Variants in PTPRM observed in about 807,000 individuals in gnomAD.
The protein encoded by PTPRM is receptor-type tyrosine-protein phosphatase mu.
In PTPRM, 47 loss-of-function variants were observed where a neutral mutation model predicts 186.7. The observed-to-expected ratio is 0.25, with a 90% CI of 0.20 to 0.32. PTPRM has a LOEUF of 0.32. Ranked by LOEUF, PTPRM falls within the 10% of genes least tolerant of loss-of-function variation. PTPRM has a pLI of 1.00. For synonymous variants in PTPRM, 668 were observed against 674.9 expected, an observed-to-expected ratio of 0.99 and a Z score of 0.16; for missense variants, 1,494 against 1,865.0, an observed-to-expected ratio of 0.80 and a Z score of 3.66.
intron 1 of PTPRM, among the ~76,000 whole-genome samples, chr18:7,670,765 C>G (rs954031059): frequency 6.6e-6 from 1 of 152,070 alleles, no homozygotes; most frequent in Admixed American, 6.6e-5. Flanking sequence ...CTTAGACTTT[C>G]TCCAATGAAT....
chr18:7,704,040 A>G (rs961270309), intron 1 of PTPRM, among the ~76,000 whole-genome samples: 5 of 152,256 alleles, frequency 3.3e-5, no homozygotes, highest in African/African-American at 9.6e-5. Flanking sequence ...ATCGTGGTGA[A>G]TAAGGTTTTT....
At chr18:7,836,608 A>G (rs117998713) in intron 2 of PTPRM, among the ~76,000 whole-genome samples, 333 of 152,274 alleles carry the variant, frequency 2.2e-3, no homozygotes, top group South Asian at 3.7e-3. Flanking sequence ...CAGATGATAT[A>G]TTGCTCATTA....
Position 8,011,100 on chromosome 18 carries a change from A to T in PTPRM, c.1132+55686A>T, listed in dbSNP as rs1446505098. Among the ~76,000 whole-genome samples, 10 of 152,222 alleles carry T rather than the reference A, an allele frequency of 6.6e-5. No homozygotes were observed. In the East Asian group the frequency reaches 1.9e-3, roughly 29 times the overall value. On this transcript the variant is annotated intron_variant, in intron 7 of 32. Coordinates refer to ENST00000580170, the MANE Select transcript of PTPRM (RefSeq NM_001105244.2). ...AGAAAATCTAGATTGGAATAAATGG[A>T]GTGTCTATTCCGGACAGAACAGGCT...
intron 1 of PTPRM, among the ~76,000 whole-genome samples, chr18:7,662,834 C>A (rs949672121): frequency 6.6e-5 from 10 of 151,882 alleles, no homozygotes; most frequent in Admixed American, 6.6e-4. Flanking sequence ...AATATATACA[C>A]CTATCAGTAT....
intron 15 of PTPRM, among the ~76,000 whole-genome samples, chr18:8,246,823 ACT>A (rs906623347): frequency 1.3e-5 from 2 of 152,162 alleles, no homozygotes; most frequent in African/African-American, 4.8e-5. Context: ...AGGTAAATGC[ACT>A]CTCCTAAACG....
intron 7 of PTPRM, among the ~76,000 whole-genome samples, chr18:8,044,498 G>T (rs1293200705): frequency 6.6e-6 from 1 of 151,998 alleles, no homozygotes; most frequent in African/African-American, 2.4e-5. Context: ...TAAACATGTT[G>T]TGCCTGTAAT....
Position 8,275,989 on chromosome 18 carries a change from C to T in PTPRM, c.2755-20379C>T, listed in dbSNP as rs115265889. ...TCCTTGTTCTGTGGTAAAGACCTCT[C>T]GCTTGGGTCATGTCCACATTTTCCC... On this transcript the variant is annotated intron_variant, in intron 19 of 32. Coordinates refer to ENST00000580170, the MANE Select transcript of PTPRM (RefSeq NM_001105244.2). 8.6e-3 allele frequency among the ~76,000 whole-genome samples: 1,308 copies of T among 152,222 alleles called. 20 individuals carry two copies. Among genetic ancestry groups the T allele is most frequent in the African/African-American group, 0.03 (1,259 of 41,510 alleles).
intron 14 of PTPRM, among the ~76,000 whole-genome samples, chr18:8,212,269 A>G (rs1202411448): frequency 6.6e-6 from 1 of 152,172 alleles, no homozygotes; most frequent in Non-Finnish European, 1.5e-5. Flanking sequence ...GGCAGGTCCA[A>G]GGAGAGAATG....
intron 13 of PTPRM, among the ~76,000 whole-genome samples, chr18:8,130,531 T>C (rs1164045789): frequency 6.6e-6 from 1 of 152,204 alleles, no homozygotes; most frequent in Non-Finnish European, 1.5e-5. Flanking sequence ...ATCGACAGTC[T>C]TAATAAAAAT....
intron 2 of PTPRM, among the ~76,000 whole-genome samples, chr18:7,781,304 C>T (rs1231564847): frequency 6.6e-6 from 1 of 152,104 alleles, no homozygotes; most frequent in Non-Finnish European, 1.5e-5. Flanking sequence ...AGTCTTTAAT[C>T]AGTATATTTG....
intron 32 of PTPRM, chr18:8,404,069 C>G (rs938345450): frequency 6.6e-6 from 1 of 152,074 alleles, no homozygotes. Flanking sequence ...GGTGTACACC[C>G]AGTAGTAGAA....
intron 22 of PTPRM, among the ~76,000 whole-genome samples, chr18:8,341,412 C>T (rs1359544965): frequency 2.0e-5 from 3 of 152,160 alleles, no homozygotes; most frequent in South Asian, 2.1e-4. Context: ...AGTTCCCCTC[C>T]GGGAGGGGTC....
rs1437925635 is a variant in PTPRM, at chr18:8,406,758, A to G, written c.*596A>G. 1 of 152,310 alleles carries G rather than the reference A, an allele frequency of 6.6e-6. No homozygotes were observed. The highest frequency in any genetic ancestry group is 1.5e-5 in the Non-Finnish European group (1 of 68,066). 9.4% of individuals were successfully genotyped at this position (152,310 alleles called of 1,614,324 possible). A position where few individuals can be genotyped will look rare whatever the true frequency, so the allele number is the denominator to read the frequency against. On this transcript the variant is annotated 3_prime_UTR_variant, in exon 33 of 33. Coordinates refer to ENST00000580170, the MANE Select transcript of PTPRM (RefSeq NM_001105244.2). ...CTCAGTTCACAAAATGCAAAACTCA[A>G]CGATCAGATTCACGGACCCAGAGCT...
At chr18:7,869,342 A>G (rs547743242) in intron 2 of PTPRM, among the ~76,000 whole-genome samples, 4 of 152,278 alleles carry the variant, frequency 2.6e-5, no homozygotes, top group South Asian at 2.1e-4. Flanking sequence ...ACCGGGGGGA[A>G]TCTCCTAGTC....
chr18:8,056,818 TG>T (rs2087992644), intron 7 of PTPRM, among the ~76,000 whole-genome samples: 1 of 151,894 alleles, frequency 6.6e-6, no homozygotes, highest in South Asian at 2.1e-4. Context: ...CATTGTCTGT[TG>T]TACTTAGAGA....
chr18:8,245,478 G>T (rs557192652), intron 15 of PTPRM, among the ~76,000 whole-genome samples: 1 of 152,224 alleles, frequency 6.6e-6, no homozygotes, highest in South Asian at 2.1e-4. Flanking sequence ...TGGGGTCTCA[G>T]TGTACCCAAG....
At position 8,289,070 on chromosome 18, in the gene PTPRM, T is replaced by A. The variant is rs1430498355; in HGVS notation, c.2755-7298T>A. On this transcript the variant is annotated intron_variant, in intron 19 of 32. Coordinates refer to ENST00000580170, the MANE Select transcript of PTPRM (RefSeq NM_001105244.2). ...GTTCTGAGCCAGTTTTGAGGCCAAA[T>A]GGAGGCGCACTAAGTTCAGAGTGGA... Among the ~76,000 whole-genome samples the A allele has an allele frequency of 5.3e-5, 8 of 152,118 alleles. No homozygotes were observed. In the East Asian group the frequency reaches 1.4e-3, roughly 26 times the overall value.
chr18:7,809,264 T>C (rs999861002), intron 2 of PTPRM, among the ~76,000 whole-genome samples: 1 of 152,156 alleles, frequency 6.6e-6, no homozygotes, highest in Non-Finnish European at 1.5e-5. Context: ...CGAATTGCTC[T>C]GCTTCTCTGT....
At chr18:7,851,749 G>T (rs1449661039) in intron 2 of PTPRM, among the ~76,000 whole-genome samples, 1 of 152,146 alleles carries the variant, frequency 6.6e-6, no homozygotes, top group Non-Finnish European at 1.5e-5. Flanking sequence ...GCATGATCGT[G>T]CAGGGAATAA....
Sources: allele counts gnomAD v4.1 joint callset (sites outside exome capture counted in the v4.1 genomes callset), GRCh38; gene constraint gnomAD v4.1.1; transcripts MANE v1.5; gene names NCBI Gene and HGNC (gene_info 2026-07-23, HGNC 2026-07-21).